Variants in SLC2A12 observed in about 807,000 individuals in gnomAD.
The protein encoded by SLC2A12 is solute carrier family 2, facilitated glucose transporter member 12.
Under a neutral mutation model 41.8 loss-of-function variants are expected in SLC2A12, and 23 were observed. That is an observed-to-expected ratio of 0.55 (90% confidence interval 0.40 to 0.78). The LOEUF (loss-of-function observed/expected upper bound fraction) is 0.78. SLC2A12 is among the 30% of genes least tolerant of loss of function. SLC2A12 has a pLI of 0.00. For missense variants in SLC2A12, 654 were observed against 745.6 expected, an observed-to-expected ratio of 0.88 and a Z score of 1.43; for synonymous variants, 295 against 285.9, an observed-to-expected ratio of 1.03 and a Z score of -0.32.
chr6:134,004,968 A>C (rs47137), intron 3 of SLC2A12, among the ~76,000 whole-genome samples: 63,651 of 152,008 alleles, frequency 0.42, 13,411 homozygotes, highest in South Asian at 0.46. Flanking sequence ...AGTTCACCAA[A>C]AAATGACATG....
chr6:134,041,707 C>G (rs773681142), intron 1 of SLC2A12, among the ~76,000 whole-genome samples: 3 of 152,152 alleles, frequency 2.0e-5, no homozygotes, highest in Non-Finnish European at 1.5e-5. Flanking sequence ...ACGGCCCAAT[C>G]TTATACATTA....
intron 2 of SLC2A12, among the ~76,000 whole-genome samples, chr6:134,009,781 G>A (rs185265173): frequency 1.3e-5 from 2 of 152,270 alleles, no homozygotes; most frequent in Admixed American, 6.5e-5. Context: ...GGAGATCAAG[G>A]CTGCCCTAAG....
At chr6:134,042,398 T>C (rs1777394075) in intron 1 of SLC2A12, among the ~76,000 whole-genome samples, 1 of 152,004 alleles carries the variant, frequency 6.6e-6, no homozygotes. Context: ...ATCATGTTGA[T>C]AATGGACAGG....
At chr6:134,015,978 T>C (rs1776955980) in intron 2 of SLC2A12, among the ~76,000 whole-genome samples, 2 of 152,234 alleles carry the variant, frequency 1.3e-5, no homozygotes, top group African/African-American at 4.8e-5. Context: ...CTAGGCTCTA[T>C]GGTCTTTGAG....
At chr6:134,010,617 T>TG (rs1303538967) in intron 2 of SLC2A12, among the ~76,000 whole-genome samples, 8 of 152,062 alleles carry the variant, frequency 5.3e-5, no homozygotes, top group East Asian at 1.9e-4. Context: ...TTTGGACTTG[T>TG]GGGGGGGCGG....
intron 3 of SLC2A12, among the ~76,000 whole-genome samples, chr6:134,005,145 G>T (rs1197858793): frequency 1.3e-5 from 2 of 152,150 alleles, no homozygotes; most frequent in African/African-American, 4.8e-5. Context: ...TTTCTGATTT[G>T]ATCCCTAATA....
At chr6:134,048,890 T>C (rs1773628439) in intron 1 of SLC2A12, among the ~76,000 whole-genome samples, 1 of 152,158 alleles carries the variant, frequency 6.6e-6, no homozygotes, top group Non-Finnish European at 1.5e-5. Flanking sequence ...TCCCTAAGGA[T>C]GAGTTTGTTT....
Position 133,991,143 on chromosome 6 carries a change from G to A in SLC2A12, c.*12C>T, listed in dbSNP as rs763540506. ...TTCTGGCACTATCCACGTTCAGAAG[G>A]TGTTGAGGCCATTAGGTCTCTGGAG... is the stretch of plus-strand genomic sequence containing the variant. On this transcript the variant is annotated 3_prime_UTR_variant, in exon 5 of 5. Transcript: ENST00000275230. The A allele has an allele frequency of 1.9e-6, 3 of 1,609,038 alleles. No homozygotes were observed. Among genetic ancestry groups the A allele is most frequent in the East Asian group, 2.2e-5 (1 of 44,850 alleles).
rs746817023 is a variant in SLC2A12, at chr6:133,989,683, T to C, written c.*1472A>G. On this transcript the variant is annotated 3_prime_UTR_variant, in exon 5 of 5. Coordinates refer to ENST00000275230, the MANE Select transcript of SLC2A12 (RefSeq NM_145176.3). ...GCAGATCCAGGCCTTTTAGTCAGTC[T>C]CCTGAGTCTCTGATATAGTTTTACT... is the stretch of plus-strand genomic sequence containing the variant. The C allele has an allele frequency of 6.6e-6, 1 of 152,184 alleles. No homozygotes were observed. 9.4% of individuals were successfully genotyped at this position (152,184 alleles called of 1,614,324 possible).
In SLC2A12 at chr6:133,987,648, G is replaced by GTGTATATATATATATATATATATATA. The variant is rs200249148; in HGVS notation, c.*3506_*3507insTATATATATATATATATATATATACA. ...TTTGTGTGTGTGTGTGTGTGTGTGT[G>GTGTATATATATATATATATATATATA]TATATATATATATATATATGCACCA... On this transcript the variant is annotated 3_prime_UTR_variant, in exon 5 of 5. Transcript: ENST00000275230. 2 of 88,316 alleles carry GTGTATATATATATATATATATATATA rather than the reference G, an allele frequency of 2.3e-5. No homozygotes were observed. Among genetic ancestry groups the GTGTATATATATATATATATATATATA allele is most frequent in the African/African-American group, 7.3e-5 (2 of 27,500 alleles). 5.5% of individuals were successfully genotyped at this position (88,316 alleles called of 1,614,324 possible). A position where few individuals can be genotyped will look rare whatever the true frequency, so the allele number is the denominator to read the frequency against.
chr6:134,038,824 C>A (rs1023063465), intron 1 of SLC2A12, among the ~76,000 whole-genome samples: 2 of 150,862 alleles, frequency 1.3e-5, no homozygotes, highest in Admixed American at 1.3e-4. Context: ...CCTGCCTCAG[C>A]CTTCTGAGTA....
intron 2 of SLC2A12, among the ~76,000 whole-genome samples, chr6:134,010,117 C>G (rs1582603206): frequency 6.6e-6 from 1 of 152,272 alleles, no homozygotes; most frequent in East Asian, 1.9e-4. Flanking sequence ...AGGACTGAAA[C>G]TCTTATTCAT....
At chr6:133,998,670 G>A (rs1776722018) in intron 4 of SLC2A12, among the ~76,000 whole-genome samples, 1 of 152,148 alleles carries the variant, frequency 6.6e-6, no homozygotes, top group Non-Finnish European at 1.5e-5. Context: ...CTTCCTGAGT[G>A]GCTGGGACTA....
intron 1 of SLC2A12, among the ~76,000 whole-genome samples, chr6:134,030,382 A>T (rs540812663): frequency 1.3e-5 from 2 of 152,312 alleles, no homozygotes; most frequent in East Asian, 3.9e-4. Context: ...GAAGAAATGT[A>T]TGTAGTGTAA....
Position 134,028,985 on chromosome 6 carries a change from CATT to C in SLC2A12, c.837_839del (p.Ile279del). The C allele has an allele frequency of 6.2e-7, 1 of 1,614,228 alleles. No homozygotes were observed. The highest frequency in any genetic ancestry group is 8.5e-7 in the Non-Finnish European group (1 of 1,180,030). ...CAAAAAATACTAGTGTTAGTCCTAT[CATT>C]ATTCGGGTCCGCATGTTGTCTTTTG... On this transcript the variant is annotated inframe_deletion, in exon 2 of 5. Coordinates refer to ENST00000275230, the MANE Select transcript of SLC2A12 (RefSeq NM_145176.3).
At position 134,028,582 on chromosome 6, in the gene SLC2A12, T is replaced by C; in HGVS notation, c.1243A>G (p.Ser415Gly). 7 of 1,614,218 alleles carry C rather than the reference T, an allele frequency of 4.3e-6. No homozygotes were observed. The highest frequency in any genetic ancestry group is 5.9e-6 in the Non-Finnish European group (7 of 1,180,036). Residue 415 changes from serine (S) to glycine (G), a missense_variant, in exon 2 of 5, where the codon AGC (serine) becomes GGC (glycine). Ser to Gly is a moderately conservative substitution (Grantham distance 56, BLOSUM62 0). Transcript: ENST00000275230. ...RDHFKGISSH[S>G]RSSLMPLRND... ...CTCAGGGGCATGAGTGAGCTTCTGC[T>C]ATGGGAAGAAATCCCTTTGAAGTGG...
intron 4 of SLC2A12, among the ~76,000 whole-genome samples, chr6:133,993,938 G>A (rs754789495): frequency 1.3e-5 from 2 of 152,190 alleles, no homozygotes; most frequent in Non-Finnish European, 2.9e-5. Context: ...TTGCTGGAGA[G>A]CCACTGGAGG....
At chr6:134,013,684 CA>C (rs1776919105) in intron 2 of SLC2A12, among the ~76,000 whole-genome samples, 1 of 149,832 alleles carries the variant, frequency 6.7e-6, no homozygotes, top group African/African-American at 2.5e-5. Flanking sequence ...TTAAGTAAAA[CA>C]GAAGTTATTT....
At chr6:133,999,054 T>TA (rs1458579826) in intron 4 of SLC2A12, among the ~76,000 whole-genome samples, 1 of 152,164 alleles carries the variant, frequency 6.6e-6, no homozygotes, top group Non-Finnish European at 1.5e-5. Flanking sequence ...TCCTGGAAAC[T>TA]AAAACTTTAT....
Sources: gnomAD v4.1 joint callset for allele counts (sites outside exome capture counted in the v4.1 genomes callset) on GRCh38, gnomAD v4.1.1 for gene constraint, MANE v1.5 for transcripts, NCBI Gene and HGNC (gene_info 2026-07-23, HGNC 2026-07-21) for gene names.